CENATAC: variants seen among roughly 807,000 people sequenced by gnomAD.
CENATAC encodes the protein centrosomal AT-AC splicing factor.
In CENATAC, 53 loss-of-function variants were observed where a neutral mutation model predicts 53.7. The ratio of observed to expected loss-of-function variants is 0.99; its 90% CI spans 0.79 to 1.24. The LOEUF (loss-of-function observed/expected upper bound fraction) is 1.24, where lower values mean the gene tolerates loss of function less well. Among genes scored for constraint, CENATAC ranks in the 50% most tolerant of loss-of-function variants. CENATAC has a pLI of 0.00. For synonymous variants in CENATAC, 156 were observed against 144.6 expected (o/e 1.08, Z -0.57); for missense variants, 474 against 417.8 (o/e 1.13, Z -1.17).
At chr11:119,006,614 C>T (rs1388079229) in intron 3 of CENATAC, among the ~76,000 whole-genome samples, 3 of 152,200 alleles carry the variant, frequency 2.0e-5, no homozygotes, top group Non-Finnish European at 2.9e-5. Flanking sequence ...CGTGATCCAC[C>T]CGCCTCGGCC....
At position 118,999,301 on chromosome 11, in the gene CENATAC, T is replaced by C. The variant is rs927482393; in HGVS notation, c.383+192T>C. On this transcript the variant is annotated intron_variant, in intron 3 of 10. Coordinates refer to ENST00000334418, the MANE Select transcript of CENATAC (RefSeq NM_198489.3). ...CAGTTCTTGAGGTTTAGTTGGGGGA[T>C]AGGATTTAGCAAATAGAGAACAATA... The C allele has an allele frequency of 7.3e-6, 4 of 544,388 alleles. No homozygotes were observed. In the African/African-American group the frequency reaches 7.5e-5, roughly 10 times the overall value. The allele number at this position is 544,388 out of a possible 1,614,324, so 33.7% of individuals were successfully genotyped here.
Position 119,007,659 on chromosome 11 carries a change from C to T in CENATAC, c.384-3105C>T, listed in dbSNP as rs1379568001. On this transcript the variant is annotated intron_variant, in intron 3 of 10. Coordinates refer to ENST00000334418, the MANE Select transcript of CENATAC (RefSeq NM_198489.3). ...TGTGCACCATCACACCTGGCTATTT[C>T]TGTATTTTTTGTAGAGACAGGGTCA... Among the ~76,000 whole-genome samples the T allele has an allele frequency of 3.3e-5, 5 of 152,056 alleles. No homozygotes were observed. The East Asian group carries it at 9.7e-4, about 29-fold the overall frequency.
chr11:119,008,408 G>T (rs1235096418), intron 3 of CENATAC, among the ~76,000 whole-genome samples: 1 of 152,210 alleles, frequency 6.6e-6, no homozygotes, highest in African/African-American at 2.4e-5. Flanking sequence ...TCAAGGGAAA[G>T]TACTATGCCT....
rs143147723 is a variant in CENATAC, at chr11:119,015,025, A to T, written c.747A>T (p.Glu249Asp). The T allele has an allele frequency of 4.2e-5, 68 of 1,612,028 alleles. No homozygotes were observed. Among genetic ancestry groups the T allele is most frequent in the Non-Finnish European group, 5.2e-5 (61 of 1,179,138 alleles). ...CACCTCCCTGGATGATCCAAGATGA[A>T]GAATACATTGCTGGGAACCAAGAAA... ...GATPPWMIQD[E>D]EYIAGNQEIG... The change falls in exon 9 of 11, where the codon GAA (glutamate) becomes GAT (aspartate). Residue 249 changes from glutamate (E) to aspartate (D), a missense_variant. Transcript: ENST00000334418.
rs1231788750 is a variant in CENATAC at position 119,011,277 on chromosome 11, C to T, written c.507C>T (p.Val169=). The change falls in exon 5 of 11, where the codon GTC becomes GTT. Residue 169 remains valine, a synonymous_variant. Transcript: ENST00000334418. ...GCCGACAGGAGGTGGTTCGGTCTGT[C>T]TTAGAGGTTGGTTTCCCTCGGAGGA... ...EQSRQEVVRS[V]LEPQAVPDPE... 6.2e-7 allele frequency: 1 copy of T among 1,614,060 alleles called. No individual in the cohort carries two copies. The highest frequency in any genetic ancestry group is 1.1e-5 in the South Asian group (1 of 91,068).
Position 119,015,639 on chromosome 11 carries a change from C to A in CENATAC, c.*41C>A. ...ACTACCATGAGGCTAAAAGCAAAGTCAACAAACCCCTATTATACCTTCCAC... is the reference window on the plus strand; with the variant it reads ...ACTACCATGAGGCTAAAAGCAAAGTAAACAAACCCCTATTATACCTTCCAC... On this transcript the variant is annotated 3_prime_UTR_variant, in exon 11 of 11. Coordinates refer to ENST00000334418, the MANE Select transcript of CENATAC (RefSeq NM_198489.3). The A allele has an allele frequency of 6.3e-7, 1 of 1,593,256 alleles. No individual in the cohort carries two copies. The highest frequency in any genetic ancestry group is 1.1e-5 in the South Asian group (1 of 90,514).
chr11:119,011,145 C>T, intron 4 of CENATAC, 76 bp from the exon 5 acceptor site: 1 of 1,328,206 alleles, frequency 7.5e-7, no homozygotes, highest in Non-Finnish European at 1.1e-6. Flanking sequence ...GGTGGAGGGC[C>T]CAAGTTAAAG....
At chr11:119,004,582 T>G (rs1942483482) in intron 3 of CENATAC, 1 of 152,132 alleles carries the variant, frequency 6.6e-6, no homozygotes, top group African/African-American at 2.4e-5. Flanking sequence ...GTATCTGGAT[T>G]AGCTGGGCAT....
intron 8 of CENATAC, 34 bp from the exon 9 acceptor site, chr11:119,014,960 A>G: frequency 2.4e-6 from 2 of 827,378 alleles, no homozygotes; most frequent in Non-Finnish European, 3.4e-6. Flanking sequence ...TGAAGACTTA[A>G]AAAAAAAAAA....
chr11:119,006,653 G>A (rs1477862836), intron 3 of CENATAC, among the ~76,000 whole-genome samples: 2 of 152,222 alleles, frequency 1.3e-5, no homozygotes, highest in African/African-American at 4.8e-5. Context: ...ACAGGCGTGA[G>A]CCACTGCGCC....
At chr11:119,008,564 A>G (rs1263770627) in intron 3 of CENATAC, among the ~76,000 whole-genome samples, 1 of 152,130 alleles carries the variant, frequency 6.6e-6, no homozygotes, top group African/African-American at 2.4e-5. Flanking sequence ...CAAATGTACA[A>G]TCGGGTTTTA....
chr11:118,999,931 C>T (rs531091444), intron 3 of CENATAC, among the ~76,000 whole-genome samples: 76 of 152,294 alleles, frequency 5.0e-4, no homozygotes, highest in Non-Finnish European at 2.8e-4. Flanking sequence ...CGTGAGCCAC[C>T]GCGCCCGGCC....
At chr11:118,999,376 T>TA (rs1375225044) in intron 3 of CENATAC, 22 of 360,574 alleles carry the variant, frequency 6.1e-5, no homozygotes, top group Middle Eastern at 8.3e-4. Flanking sequence ...CCGAGAATAC[T>TA]AACGTTAGAA....
chr11:119,007,968 A>G (rs930471527), intron 3 of CENATAC, among the ~76,000 whole-genome samples: 2 of 152,242 alleles, frequency 1.3e-5, no homozygotes, highest in Admixed American at 6.5e-5. Context: ...TGTTTCATAC[A>G]CCAAAAAGGA....
chr11:119,015,462 CTCCAACCTACCCA>C, intron 10 of CENATAC, 23 bp downstream of exon 10: 2 of 1,613,836 alleles, frequency 1.2e-6, no homozygotes, highest in Non-Finnish European at 1.7e-6. Context: ...AGTGCCGGGT[CTCCAACCTACCCA>C]TCCAACCTCC....
rs997317635 is a variant in CENATAC, at chr11:119,010,610, C to G, written c.384-154C>G. The G allele has an allele frequency of 1.0e-4, 65 of 639,272 alleles. No homozygotes were observed. In the Middle Eastern group the frequency reaches 1.1e-3, roughly 11 times the overall value. 39.6% of individuals were successfully genotyped at this position (639,272 alleles called of 1,614,324 possible). On this transcript the variant is annotated intron_variant, in intron 3 of 10. Transcript: ENST00000334418. ...TGGAGCCAGTATGGCAAAATGTTTA[C>G]AAGGACTCTGGGTGAGAGGTACATA...
chr11:119,007,705 T>C (rs1942672418), intron 3 of CENATAC, among the ~76,000 whole-genome samples: 1 of 152,142 alleles, frequency 6.6e-6, no homozygotes, highest in South Asian at 2.1e-4. Flanking sequence ...TGAGCTGGTC[T>C]CAAACTCCTG....
At position 118,999,114 on chromosome 11, in the gene CENATAC, G is replaced by A. The variant is rs782590650; in HGVS notation, c.383+5G>A. 21 of 1,604,280 alleles carry A rather than the reference G, an allele frequency of 1.3e-5. No individual in the cohort carries two copies. The highest frequency in any genetic ancestry group is 1.8e-5 in the Non-Finnish European group (21 of 1,171,076). ...CACTCCCCAGGATTATGCGCGGTGA[G>A]TCACTGGTATGGAACGTGAAGTAGC... is the stretch of plus-strand genomic sequence containing the variant. On this transcript the variant is annotated splice_donor_5th_base_variant and intron_variant, in intron 3 of 10. Transcript: ENST00000334418.
intron 3 of CENATAC, among the ~76,000 whole-genome samples, chr11:119,006,382 G>A (rs1256627379): frequency 4.0e-5 from 6 of 151,558 alleles, no homozygotes; most frequent in African/African-American, 1.2e-4. Context: ...GACTACAGGC[G>A]CCCGCCACCA....
Sources: gnomAD v4.1 joint callset for allele counts (sites outside exome capture counted in the v4.1 genomes callset) on GRCh38, gnomAD v4.1.1 for gene constraint, MANE v1.5 for transcripts, NCBI Gene and HGNC (gene_info 2026-07-23, HGNC 2026-07-21) for gene names.